Variants in NR3C2 observed in about 807,000 individuals in gnomAD.
NR3C2 encodes the protein mineralocorticoid receptor.
In NR3C2, 15 loss-of-function variants were observed where a neutral mutation model predicts 86.4. The observed-to-expected ratio is 0.17, with a 90% CI of 0.12 to 0.27. NR3C2 has a LOEUF of 0.27. NR3C2 is among the 10% of genes least tolerant of loss of function. The probability of loss-of-function intolerance (pLI) is 1.00; values close to 1 mark genes in which losing one functional copy is unlikely to be tolerated. For synonymous variants in NR3C2, 458 were observed against 450.5 expected (o/e 1.02, Z -0.21); for missense variants, 960 against 1,195.6 (o/e 0.80, Z 2.91).
intron 3 of NR3C2, among the ~76,000 whole-genome samples, chr4:148,212,386 A>G (rs1443272197): frequency 1.3e-5 from 2 of 152,214 alleles, no homozygotes; most frequent in Non-Finnish European, 2.9e-5. Flanking sequence ...TTACACCCTT[A>G]GTGTCTGAAG....
chr4:148,285,430 C>T (rs551793360), intron 2 of NR3C2, among the ~76,000 whole-genome samples: 17 of 152,228 alleles, frequency 1.1e-4, no homozygotes, highest in East Asian at 3.9e-4. Flanking sequence ...TCCTCCAGGC[C>T]GGACGTGGTG....
At chr4:148,255,967 A>G (rs538303525) in intron 3 of NR3C2, among the ~76,000 whole-genome samples, 13 of 152,214 alleles carry the variant, frequency 8.5e-5, no homozygotes, top group African/African-American at 3.1e-4. Flanking sequence ...TCATTCAAAC[A>G]TTTATTTGGT....
chr4:148,280,407 A>G (rs1017949988), intron 2 of NR3C2, among the ~76,000 whole-genome samples: 1 of 152,260 alleles, frequency 6.6e-6, no homozygotes, highest in Non-Finnish European at 1.5e-5. Flanking sequence ...AATGTCAATT[A>G]CAGTAAAGAA....
At chr4:148,102,232 C>G (rs932887672) in intron 8 of NR3C2, among the ~76,000 whole-genome samples, 2 of 152,212 alleles carry the variant, frequency 1.3e-5, no homozygotes, top group African/African-American at 4.8e-5. Context: ...CTCTTCCGTT[C>G]TGTGCCCTCT....
Position 148,435,897 on chromosome 4 carries a change from G to C in NR3C2, c.964C>G (p.Leu322Val). The change falls in exon 2 of 9, where the codon CTT (leucine) becomes GTT (valine). Residue 322 changes from leucine to valine, a missense_variant. By Grantham distance (32) the Leu-to-Val change is conservative. Coordinates refer to ENST00000358102, the MANE Select transcript of NR3C2 (RefSeq NM_000901.5). ...ACAGTACTGGCTGCCGGACTGGAAA[G>C]CGTGGATCTGTTATTAGTGTTCGAA... ...SPSNTNNRST[L>V]SSPAASTVGS... 3 of 1,614,216 alleles carry C rather than the reference G, an allele frequency of 1.9e-6. No homozygotes were observed. The highest frequency in any genetic ancestry group is 2.5e-6 in the Non-Finnish European group (3 of 1,180,030).
chr4:148,106,567 G>A (rs1163998826), intron 8 of NR3C2, among the ~76,000 whole-genome samples: 1 of 151,908 alleles, frequency 6.6e-6, no homozygotes, highest in Non-Finnish European at 1.5e-5. Context: ...ACAATACTAA[G>A]AAAAAAGAAA....
chr4:148,181,060 G>A (rs920368227), intron 4 of NR3C2, among the ~76,000 whole-genome samples: 4 of 152,134 alleles, frequency 2.6e-5, no homozygotes, highest in African/African-American at 7.2e-5. Flanking sequence ...AAGGGGGAAC[G>A]TGATATGGCC....
chr4:148,153,106 T>C (rs58511825), intron 5 of NR3C2, among the ~76,000 whole-genome samples: 6,796 of 152,272 alleles, frequency 0.045, 489 homozygotes, highest in African/African-American at 0.15. Flanking sequence ...CAGACTTTGA[T>C]AAAGTTCTAT....
At chr4:148,217,942 G>A (rs1737627501) in intron 3 of NR3C2, among the ~76,000 whole-genome samples, 1 of 152,186 alleles carries the variant, frequency 6.6e-6, no homozygotes, top group Admixed American at 6.5e-5. Context: ...TAAGGACAAT[G>A]AAAACCTTTT....
At chr4:148,327,855 C>G (rs1192563384) in intron 2 of NR3C2, among the ~76,000 whole-genome samples, 1 of 152,176 alleles carries the variant, frequency 6.6e-6, no homozygotes, top group African/African-American at 2.4e-5. Flanking sequence ...CACCCTCTGA[C>G]CTACATGCAG....
At chr4:148,333,490 T>C (rs1198296091) in intron 2 of NR3C2, among the ~76,000 whole-genome samples, 1 of 151,394 alleles carries the variant, frequency 6.6e-6, no homozygotes, top group Non-Finnish European at 1.5e-5. Context: ...TTCTAGCCAA[T>C]AAGATATAAG....
chr4:148,363,197 T>C (rs530672859), intron 2 of NR3C2, among the ~76,000 whole-genome samples: 1 of 152,164 alleles, frequency 6.6e-6, no homozygotes, highest in South Asian at 2.1e-4. Context: ...TAATCAAGAG[T>C]ACAAATTTAC....
chr4:148,443,865 A>C, upstream of NR3C2: 8 of 401,550 alleles, frequency 2.0e-5, no homozygotes, highest in Non-Finnish European at 2.7e-5. Context: ...CCGGACCCCT[A>C]ACCCAGGGCT....
chr4:148,393,745 C>A (rs1747710703), intron 2 of NR3C2, among the ~76,000 whole-genome samples: 1 of 152,164 alleles, frequency 6.6e-6, no homozygotes. Context: ...AATGATCACA[C>A]TGAAGCATTC....
intron 2 of NR3C2, among the ~76,000 whole-genome samples, chr4:148,404,962 A>T (rs1748341779): frequency 6.6e-6 from 1 of 152,200 alleles, no homozygotes; most frequent in Non-Finnish European, 1.5e-5. Context: ...ATGGTTCCAA[A>T]CTCATGTATT....
intron 4 of NR3C2, among the ~76,000 whole-genome samples, chr4:148,158,196 T>C (rs1734491502): frequency 6.6e-6 from 1 of 152,116 alleles, no homozygotes; most frequent in African/African-American, 2.4e-5. Context: ...ATACTTCCGA[T>C]GAATGGATGA....
At chr4:148,197,108 T>C (rs780758750) in intron 3 of NR3C2, among the ~76,000 whole-genome samples, 2 of 152,218 alleles carry the variant, frequency 1.3e-5, no homozygotes, top group African/African-American at 4.8e-5. Flanking sequence ...TCTGATAACA[T>C]TGCTGTGCCT....
intron 2 of NR3C2, among the ~76,000 whole-genome samples, chr4:148,283,872 AG>A (rs1358459100): frequency 7.2e-5 from 11 of 152,214 alleles, no homozygotes; most frequent in African/African-American, 2.4e-4. Flanking sequence ...CAGATTCAAA[AG>A]GACATGAACT....
intron 3 of NR3C2, among the ~76,000 whole-genome samples, chr4:148,241,001 G>A (rs540097292): frequency 1.3e-5 from 2 of 151,984 alleles, no homozygotes; most frequent in Non-Finnish European, 2.9e-5. Flanking sequence ...GCTTCCCAAC[G>A]CCTTTAGAAA....
Sources: gnomAD v4.1 joint callset for allele counts (sites outside exome capture counted in the v4.1 genomes callset) on GRCh38, gnomAD v4.1.1 for gene constraint, MANE v1.5 for transcripts, NCBI Gene and HGNC (gene_info 2026-07-23, HGNC 2026-07-21) for gene names.